The following UBE2G1 variants were observed in gnomAD, a reference collection of about 807,000 sequenced individuals.
UBE2G1 encodes the protein ubiquitin conjugating enzyme E2 G1, also known as ubiquitin-conjugating enzyme E2 G1.
In UBE2G1, 5 loss-of-function variants were observed where a neutral mutation model predicts 22.7. The observed-to-expected ratio is 0.22, with a 90% CI of 0.12 to 0.46. The LOEUF is 0.46. UBE2G1 is among the 20% of genes least tolerant of loss of function. The probability of loss-of-function intolerance (pLI) is 0.99; values close to 1 mark genes in which losing one functional copy is unlikely to be tolerated. For synonymous variants in UBE2G1, 74 were observed against 67.5 expected, an observed-to-expected ratio of 1.10 and a Z score of -0.47; for missense variants, 88 against 203.9, an observed-to-expected ratio of 0.43 and a Z score of 3.46.
chr17:4,351,537 G>T (rs1969844681), intron 1 of UBE2G1, among the ~76,000 whole-genome samples: 1 of 152,106 alleles, frequency 6.6e-6, no homozygotes, highest in Non-Finnish European at 1.5e-5. Context: ...AACCAGAGAA[G>T]ATAGCAAAAA....
chr17:4,298,166 GA>G (rs1969132748), intron 2 of UBE2G1, among the ~76,000 whole-genome samples: 1 of 152,104 alleles, frequency 6.6e-6, no homozygotes, highest in Admixed American at 6.6e-5. Context: ...TGTCTTTAAA[GA>G]AAAAGTGGGA....
At chr17:4,346,839 G>T (rs968775534) in intron 1 of UBE2G1, among the ~76,000 whole-genome samples, 6 of 152,012 alleles carry the variant, frequency 3.9e-5, no homozygotes, top group Admixed American at 2.6e-4. Context: ...GCCCAGTATT[G>T]TGTTATGTGC....
chr17:4,279,761 C>T (rs540109851), intron 5 of UBE2G1, among the ~76,000 whole-genome samples: 81 of 110,322 alleles, frequency 7.3e-4, no homozygotes, highest in Non-Finnish European at 1.5e-3. Flanking sequence ...AGCGACACAG[C>T]GAAACTCTGC....
intron 1 of UBE2G1, among the ~76,000 whole-genome samples, chr17:4,348,378 C>A (rs887860457): frequency 6.7e-6 from 1 of 150,348 alleles, no homozygotes; most frequent in South Asian, 2.1e-4. Context: ...ACGGTGAAAC[C>A]CCGTCTCTAC....
At chr17:4,353,248 G>C (rs1969866298) in intron 1 of UBE2G1, among the ~76,000 whole-genome samples, 1 of 151,770 alleles carries the variant, frequency 6.6e-6, no homozygotes. Context: ...CAAAAACTTT[G>C]AAAGAAAAAT....
At chr17:4,309,245 C>T (rs528261318) in intron 1 of UBE2G1, among the ~76,000 whole-genome samples, 9 of 152,210 alleles carry the variant, frequency 5.9e-5, no homozygotes, top group African/African-American at 1.4e-4. Flanking sequence ...GGTGACAATG[C>T]GAGACTCCGT....
rs141859867 is a variant in UBE2G1, at chr17:4,282,873, G to A, written c.475C>T (p.Arg159Cys). 4 of 1,612,870 alleles carry A rather than the reference G, an allele frequency of 2.5e-6. No homozygotes were observed. The highest frequency in any genetic ancestry group is 2.2e-5 in the East Asian group (1 of 44,796). The change falls in exon 5 of 6, where the codon CGC (arginine) becomes TGC (cysteine). Residue 159 changes from arginine to cysteine, a missense_variant. Physicochemically the swap from Arg to Cys is radical, Grantham distance 180. Transcript: ENST00000396981. ...GTCTCTTGGCTTTTTCTTACACAGC[G>A]GGCAACTTTTCTTTTAAATTCTCCA... is the stretch of plus-strand genomic sequence containing the variant. ...RNGEFKRKVA[R>C]CVRKSQETAF... is the part of the protein sequence containing the mutation.
chr17:4,275,431 G>A (rs1465527646), intron 5 of UBE2G1, among the ~76,000 whole-genome samples: 1 of 152,106 alleles, frequency 6.6e-6, no homozygotes, highest in Non-Finnish European at 1.5e-5. Flanking sequence ...TATATCAATT[G>A]CACCTGTCAT....
At chr17:4,349,419 T>C (rs1440674595) in intron 1 of UBE2G1, among the ~76,000 whole-genome samples, 1 of 152,156 alleles carries the variant, frequency 6.6e-6, no homozygotes, top group African/African-American at 2.4e-5. Flanking sequence ...GGCTGCTGCT[T>C]GTCATTCACA....
intron 1 of UBE2G1, among the ~76,000 whole-genome samples, chr17:4,315,929 CT>C (rs1449250888): frequency 2.4e-4 from 35 of 148,860 alleles, no homozygotes; most frequent in Middle Eastern, 3.4e-3. Flanking sequence ...GCCTCAGCCT[CT>C]CCGAGTAGCT....
chr17:4,293,149 C>T (rs1969063652), intron 3 of UBE2G1, among the ~76,000 whole-genome samples: 1 of 152,240 alleles, frequency 6.6e-6, no homozygotes, highest in South Asian at 2.1e-4. Flanking sequence ...CCCCCACCTC[C>T]CCTCCAGCAG....
At chr17:4,322,661 T>C (rs1338319303) in intron 1 of UBE2G1, among the ~76,000 whole-genome samples, 1 of 151,950 alleles carries the variant, frequency 6.6e-6, no homozygotes, top group Non-Finnish European at 1.5e-5. Flanking sequence ...CCTAGGAAAG[T>C]ACAAACACTG....
chr17:4,364,834 G>T (rs1671312694), intron 1 of UBE2G1, among the ~76,000 whole-genome samples: 2 of 151,964 alleles, frequency 1.3e-5, no homozygotes, highest in African/African-American at 4.8e-5. Flanking sequence ...CGCCAGCCTC[G>T]GCCTCCCGAA....
intron 1 of UBE2G1, among the ~76,000 whole-genome samples, chr17:4,334,866 A>C (rs1342179446): frequency 6.6e-6 from 1 of 152,106 alleles, no homozygotes; most frequent in African/African-American, 2.4e-5. Context: ...TTAAAAGAGG[A>C]AATAAATGAG....
At chr17:4,296,683 C>G (rs780326429) in intron 3 of UBE2G1, 34 bp downstream of exon 3, 2 of 1,587,392 alleles carry the variant, frequency 1.3e-6, no homozygotes, top group African/African-American at 2.7e-5. Context: ...GCCATCAAAT[C>G]TGCAAATGTA....
chr17:4,292,144 A>G (rs1318207630), intron 3 of UBE2G1, among the ~76,000 whole-genome samples: 2 of 151,912 alleles, frequency 1.3e-5, no homozygotes, highest in Non-Finnish European at 2.9e-5. Context: ...CCTGGCCAAC[A>G]TGGTGAACCC....
In UBE2G1 at chr17:4,366,494, C is replaced by T. The variant is rs946752565; in HGVS notation, c.-178G>A. On this transcript the variant is annotated 5_prime_UTR_variant, in exon 1 of 6. Coordinates refer to ENST00000396981, the MANE Select transcript of UBE2G1 (RefSeq NM_003342.5). ...GCCTCGCTGCCGGTGCGAGTCCGCT[C>T]GCTTCAGCTCTTTTCACAGCGACTC... 3 of 508,666 alleles carry T rather than the reference C, an allele frequency of 5.9e-6. No individual in the cohort carries two copies. Among genetic ancestry groups the T allele is most frequent in the Non-Finnish European group, 9.6e-6 (3 of 312,344 alleles). 31.5% of individuals were successfully genotyped at this position (508,666 alleles called of 1,614,324 possible).
intron 1 of UBE2G1, among the ~76,000 whole-genome samples, chr17:4,355,203 T>C (rs1445010814): frequency 6.6e-6 from 1 of 151,604 alleles, no homozygotes; most frequent in Non-Finnish European, 1.5e-5. Flanking sequence ...GGTTTCACCA[T>C]GTTGGCCATG....
At chr17:4,285,229 A>G (rs991907527) in intron 4 of UBE2G1, among the ~76,000 whole-genome samples, 1 of 152,116 alleles carries the variant, frequency 6.6e-6, no homozygotes, top group Non-Finnish European at 1.5e-5. Flanking sequence ...AAAAGAGTTC[A>G]CACAACTCTG....
Sources: gnomAD v4.1 joint callset for allele counts (sites outside exome capture counted in the v4.1 genomes callset) on GRCh38, gnomAD v4.1.1 for gene constraint, MANE v1.5 for transcripts, NCBI Gene and HGNC (gene_info 2026-07-23, HGNC 2026-07-21) for gene names.